The following SH3GL3 variants were observed in gnomAD, a reference collection of about 807,000 sequenced individuals.
SH3GL3 encodes SH3 domain containing GRB2 like 3, endophilin A3.
SH3GL3 carries 33 observed loss-of-function variants against 47.7 expected under a neutral mutation model. The ratio of observed to expected loss-of-function variants is 0.69; its 90% CI spans 0.52 to 0.92. The LOEUF (loss-of-function observed/expected upper bound fraction) is 0.92, where lower values mean the gene tolerates loss of function less well. SH3GL3 is among the 40% of genes least tolerant of loss of function. The pLI is 0.00. For missense variants in SH3GL3, 363 were observed against 417.8 expected (o/e 0.87, Z 1.14); for synonymous variants, 155 against 148.8 (o/e 1.04, Z -0.30).
chr15:83,497,954 G>A (rs1203377360), intron 1 of SH3GL3, among the ~76,000 whole-genome samples: 2 of 152,122 alleles, frequency 1.3e-5, no homozygotes, highest in East Asian at 3.8e-4. Flanking sequence ...TTATTTTCCA[G>A]CCTCTCTTTC....
At chr15:83,595,062 C>T (rs548434603) in intron 8 of SH3GL3, among the ~76,000 whole-genome samples, 2 of 152,256 alleles carry the variant, frequency 1.3e-5, no homozygotes, top group South Asian at 2.1e-4. Context: ...GTATGTTCAT[C>T]GCAGCACTAT....
intron 1 of SH3GL3, among the ~76,000 whole-genome samples, chr15:83,501,125 G>T (rs1203038171): frequency 6.6e-6 from 1 of 152,086 alleles, no homozygotes; most frequent in Non-Finnish European, 1.5e-5. Flanking sequence ...AAAGTTGTAT[G>T]CTTATCAGAA....
Position 83,471,900 on chromosome 15 carries a change from T to C in SH3GL3, c.45+24322T>C, listed in dbSNP as rs369868064. 3.3e-4 allele frequency among the ~76,000 whole-genome samples: 51 copies of C among 152,298 alleles called. No homozygotes were observed. In the East Asian group the frequency reaches 6.9e-3, roughly 21 times the overall value. On this transcript the variant is annotated intron_variant, in intron 1 of 8. Coordinates refer to ENST00000427482, the MANE Select transcript of SH3GL3 (RefSeq NM_003027.5). ...GATTTCTTTTCTTTTCTTTTTTTTT[T>C]GAGACAGAGTCTCGCTCTTGTCACT...
chr15:83,603,365 AG>A (rs1362018597), intron 8 of SH3GL3, among the ~76,000 whole-genome samples: 1 of 152,162 alleles, frequency 6.6e-6, no homozygotes, highest in Non-Finnish European at 1.5e-5. Flanking sequence ...ACACATTCAA[AG>A]TTCTTTCTTA....
chr15:83,623,751 A>T, the SH3GL3 span, among the ~76,000 whole-genome samples: 5 of 152,104 alleles, frequency 3.3e-5, no homozygotes, highest in Non-Finnish European at 5.9e-5. Context: ...CCTTGAGGAT[A>T]TGTTCTTTTC....
chr15:83,550,794 T>TTTTG (rs943446153), intron 1 of SH3GL3, among the ~76,000 whole-genome samples: 1 of 152,318 alleles, frequency 6.6e-6, no homozygotes, highest in East Asian at 1.9e-4. Context: ...CTGTTTTTGT[T>TTTTG]TTTGTTTGTT....
intron 1 of SH3GL3, among the ~76,000 whole-genome samples, chr15:83,548,830 T>A (rs1261448279): frequency 6.6e-6 from 1 of 152,188 alleles, no homozygotes; most frequent in African/African-American, 2.4e-5. Flanking sequence ...TTTTTTCTAT[T>A]TTGAATAATT....
chr15:83,478,188 T>A (rs577066082), intron 1 of SH3GL3, among the ~76,000 whole-genome samples: 1 of 152,240 alleles, frequency 6.6e-6, no homozygotes, highest in East Asian at 1.9e-4. Context: ...TTGCAGGGGC[T>A]TAACCTACGG....
At chr15:83,491,114 C>A (rs980533883) in intron 1 of SH3GL3, among the ~76,000 whole-genome samples, 3 of 152,092 alleles carry the variant, frequency 2.0e-5, no homozygotes, top group Non-Finnish European at 4.4e-5. Context: ...CCTGTGGGTA[C>A]AGAGAAAAGT....
the SH3GL3 span, among the ~76,000 whole-genome samples, chr15:83,625,174 C>A: frequency 6.6e-6 from 1 of 152,078 alleles, no homozygotes; most frequent in Non-Finnish European, 1.5e-5. Flanking sequence ...CAGCACATTC[C>A]CAGAGAAGCT....
chr15:83,517,080 C>G (rs902635165), intron 1 of SH3GL3, among the ~76,000 whole-genome samples: 19 of 152,048 alleles, frequency 1.2e-4, no homozygotes, highest in Non-Finnish European at 1.5e-5. Context: ...TATGAACATA[C>G]TTATACATGT....
chr15:83,517,205 C>CTTTTT (rs36096315), intron 1 of SH3GL3, among the ~76,000 whole-genome samples: 89 of 109,642 alleles, frequency 8.1e-4, no homozygotes, highest in Non-Finnish European at 1.1e-3. Context: ...CTTTTCTTTT[C>CTTTTT]TTTTTTTTTT....
chr15:83,591,716 T>C (rs12902037), intron 8 of SH3GL3, among the ~76,000 whole-genome samples: 9,144 of 152,234 alleles, frequency 0.06, 316 homozygotes, highest in Middle Eastern at 0.11. Context: ...GACAAAGTCT[T>C]GCTCTGTCAC....
At chr15:83,581,055 C>T (rs1465371464) in intron 6 of SH3GL3, among the ~76,000 whole-genome samples, 1 of 152,188 alleles carries the variant, frequency 6.6e-6, no homozygotes, top group Non-Finnish European at 1.5e-5. Context: ...AAAATCTCAC[C>T]CTGGGGGAAG....
the SH3GL3 span, among the ~76,000 whole-genome samples, chr15:83,629,922 C>T: frequency 6.6e-6 from 1 of 152,120 alleles, no homozygotes; most frequent in Non-Finnish European, 1.5e-5. Context: ...GGCTGTGTCC[C>T]CAGCCAAATC....
chr15:83,456,674 C>A (rs899072435), intron 1 of SH3GL3, among the ~76,000 whole-genome samples: 8 of 143,372 alleles, frequency 5.6e-5, no homozygotes, highest in Admixed American at 3.5e-4. Flanking sequence ...GGCTCGCGCA[C>A]GGTGCGCACA....
intron 1 of SH3GL3, among the ~76,000 whole-genome samples, chr15:83,535,837 G>C (rs1226402366): frequency 6.6e-6 from 1 of 152,148 alleles, no homozygotes; most frequent in African/African-American, 2.4e-5. Flanking sequence ...GGAAACTTTA[G>C]AGATATATGG....
chr15:83,501,081 T>G lies in SH3GL3; in HGVS notation c.45+53503T>G, dbSNP rs2042275772. Among the ~76,000 whole-genome samples, 6 of 152,238 alleles carry G rather than the reference T, an allele frequency of 3.9e-5. No homozygotes were observed. The South Asian group carries it at 1.2e-3, about 31-fold the overall frequency. On this transcript the variant is annotated intron_variant, in intron 1 of 8. Transcript: ENST00000427482. ...CTTTAGACCAGAAAATATTATATTTTTAAATTGTTTTCACCTGACGTTTTT... is the reference window on the plus strand; with the variant it reads ...CTTTAGACCAGAAAATATTATATTTGTAAATTGTTTTCACCTGACGTTTTT...
chr15:83,521,455 G>A (rs1395430740), intron 1 of SH3GL3, among the ~76,000 whole-genome samples: 1 of 152,166 alleles, frequency 6.6e-6, no homozygotes, highest in Non-Finnish European at 1.5e-5. Flanking sequence ...GCTGAGGATG[G>A]GGAGGGGAGA....
Sources: gnomAD v4.1 joint callset for allele counts (sites outside exome capture counted in the v4.1 genomes callset) on GRCh38, gnomAD v4.1.1 for gene constraint, MANE v1.5 for transcripts, NCBI Gene and HGNC (gene_info 2026-07-23, HGNC 2026-07-21) for gene names.